COL22A1: variants seen among roughly 807,000 people sequenced by gnomAD.
COL22A1 encodes collagen type XXII alpha 1 chain.
In COL22A1, 221 loss-of-function variants were observed where a neutral mutation model predicts 248.9. The ratio of observed to expected loss-of-function variants is 0.89; its 90% CI spans 0.80 to 0.99. The LOEUF (loss-of-function observed/expected upper bound fraction) is 0.99. COL22A1 is among the 50% of genes least tolerant of loss of function. The pLI, the probability that COL22A1 is intolerant of heterozygous loss-of-function variation, is 0.00. For missense variants in COL22A1, 2,240 were observed against 2,179.0 expected, an observed-to-expected ratio of 1.03 and a Z score of -0.56; for synonymous variants, 891 against 793.4, an observed-to-expected ratio of 1.12 and a Z score of -2.07.
intron 22 of COL22A1, among the ~76,000 whole-genome samples, chr8:138,739,480 A>G (rs1831388780): frequency 6.6e-6 from 1 of 152,016 alleles, no homozygotes; most frequent in African/African-American, 2.4e-5. Context: ...GTGTCTTCTC[A>G]CGCTGCCGTA....
intron 4 of COL22A1, among the ~76,000 whole-genome samples, chr8:138,838,415 G>A (rs1035160624): frequency 6.6e-6 from 1 of 152,056 alleles, no homozygotes; most frequent in African/African-American, 2.4e-5. Flanking sequence ...GAAAAGTCAG[G>A]GCCGGGAACT....
chr8:138,779,470 T>C (rs1336235498), intron 14 of COL22A1, 39 bp downstream of exon 14: 1 of 1,515,592 alleles, frequency 6.6e-7, no homozygotes, highest in South Asian at 1.1e-5. Flanking sequence ...CCTTGTCCCC[T>C]GGGAGCATCA....
chr8:138,803,317 T>C (rs80196678), intron 10 of COL22A1, among the ~76,000 whole-genome samples: 3,880 of 152,236 alleles, frequency 0.025, 178 homozygotes, highest in African/African-American at 0.087. Context: ...CAGGCTTCTC[T>C]TCCATAAACA....
chr8:138,881,640 A>G (rs1052314586), intron 2 of COL22A1, among the ~76,000 whole-genome samples: 2 of 152,214 alleles, frequency 1.3e-5, no homozygotes, highest in South Asian at 2.1e-4. Flanking sequence ...AGCCGAGATC[A>G]CGCCGCTGCA....
chr8:138,716,293 T>C lies in COL22A1; in HGVS notation c.2401-4A>G. The C allele has an allele frequency of 6.3e-7, 1 of 1,581,830 alleles. No homozygotes were observed. The highest frequency in any genetic ancestry group is 8.6e-7 in the Non-Finnish European group (1 of 1,161,658). ...CCCCTGGGAGGCCTGCTTCTCCCTGTGAGAACAAAATATTCACAAGGCGTC... is the reference window on the plus strand; with the variant it reads ...CCCCTGGGAGGCCTGCTTCTCCCTGCGAGAACAAAATATTCACAAGGCGTC... On this transcript the variant is annotated splice_polypyrimidine_tract_variant and splice_region_variant and intron_variant, in intron 28 of 64. Transcript: ENST00000303045.
At chr8:138,830,646 C>A (rs182353012) in intron 5 of COL22A1, among the ~76,000 whole-genome samples, 1 of 152,204 alleles carries the variant, frequency 6.6e-6, no homozygotes, top group African/African-American at 2.4e-5. Context: ...TGAATTCGGC[C>A]GCTTTGCTCT....
In COL22A1 at chr8:138,598,770, T is replaced by C. The variant is rs1348248516; in HGVS notation, c.4314A>G (p.Gly1438=). 6.2e-7 allele frequency: 1 copy of C among 1,614,038 alleles called. No homozygotes were observed. The highest frequency in any genetic ancestry group is 1.7e-5 in the Admixed American group (1 of 60,008). ...CTGGAGGCCCTGGGGGTCCAACTGG[T>C]CCATTCTCCCCAGGTAGTCCTTGGG... ...MGPQGLPGEN[G]PVGPPGPPGQ... is the part of the protein sequence containing the mutation. The change falls in exon 61 of 65, where the codon GGA becomes GGG. Residue 1438 remains glycine (G), a synonymous_variant. Transcript: ENST00000303045.
At chr8:138,649,858 C>T in intron 45 of COL22A1, 80 bp from the exon 46 acceptor site, 5 of 821,322 alleles carry the variant, frequency 6.1e-6, no homozygotes, top group Non-Finnish European at 9.4e-6. Flanking sequence ...GTAGCCCTGG[C>T]TGCTATCTCT....
intron 57 of COL22A1, among the ~76,000 whole-genome samples, chr8:138,607,434 T>C (rs1818508485): frequency 6.6e-6 from 1 of 152,158 alleles, no homozygotes; most frequent in African/African-American, 2.4e-5. Flanking sequence ...CTGTATTTGA[T>C]ATCTAGCTGA....
chr8:138,589,545 C>T (rs60639203), intron 64 of COL22A1, 105 bp from the exon 65 acceptor site: 135,561 of 907,130 alleles, frequency 0.15, 13,817 homozygotes, highest in African/African-American at 0.47. Flanking sequence ...GGACCTGAAA[C>T]GTCCTCAGAC....
In COL22A1 at chr8:138,591,414, T is replaced by C. The variant is rs1804642055; in HGVS notation, c.4693+10A>G. 4 of 1,570,926 alleles carry C rather than the reference T, an allele frequency of 2.5e-6. No individual in the cohort carries two copies. The highest frequency in any genetic ancestry group is 3.5e-6 in the Non-Finnish European group (4 of 1,158,188). ...ACACCCTACCCCTGAGACTGCAGAA[T>C]GAGTCATACCTGGGATTCCAGGGGG... On this transcript the variant is annotated intron_variant, in intron 64 of 64. Transcript: ENST00000303045.
chr8:138,679,599 G>C lies in COL22A1; in HGVS notation c.3072+18C>G. ...TCCTTCTGTCTTTTTGCAAATGTTT[G>C]CATAGATCTTCACTGACCTTAACAC... On this transcript the variant is annotated intron_variant, in intron 40 of 64. Coordinates refer to ENST00000303045, the MANE Select transcript of COL22A1 (RefSeq NM_152888.3). 1 of 1,611,006 alleles carries C rather than the reference G, an allele frequency of 6.2e-7. No individual in the cohort carries two copies. The highest frequency in any genetic ancestry group is 8.5e-7 in the Non-Finnish European group (1 of 1,177,336).
intron 4 of COL22A1, among the ~76,000 whole-genome samples, chr8:138,841,763 G>C (rs1354087554): frequency 6.6e-6 from 1 of 152,152 alleles, no homozygotes; most frequent in African/African-American, 2.4e-5. Flanking sequence ...AGACAACAGT[G>C]GTCTGGATGG....
chr8:138,596,307 C>T (rs1300239173), intron 62 of COL22A1, among the ~76,000 whole-genome samples: 11 of 152,224 alleles, frequency 7.2e-5, no homozygotes, highest in Admixed American at 5.9e-4. Flanking sequence ...ACTAGGCCTG[C>T]CTGCCCTGCT....
chr8:138,707,500 G>A (rs1027752729), intron 30 of COL22A1, among the ~76,000 whole-genome samples: 6 of 152,148 alleles, frequency 3.9e-5, no homozygotes, highest in African/African-American at 1.4e-4. Flanking sequence ...ATCAATAAAT[G>A]TAATCCATCA....
rs150797337 is a variant in COL22A1, at chr8:138,618,380, T to C, written c.3825+1075A>G. Among the ~76,000 whole-genome samples, 597 of 152,310 alleles carry C rather than the reference T, an allele frequency of 3.9e-3. 4 individuals carry two copies. The highest frequency in any genetic ancestry group is 0.034 in the Middle Eastern group (10 of 294). On this transcript the variant is annotated intron_variant, in intron 53 of 64. Transcript: ENST00000303045. The stretch of plus-strand genomic sequence containing the variant: ...GCCTGGCTTTCTAACCTCAGCTCTT[T>C]CATTACAACTCCCAGTTGACAGATG...
intron 3 of COL22A1, among the ~76,000 whole-genome samples, chr8:138,852,767 G>A (rs1181988077): frequency 6.6e-6 from 1 of 152,124 alleles, no homozygotes; most frequent in Non-Finnish European, 1.5e-5. Context: ...GAACCAGGGA[G>A]AGGGAGGTCC....
At chr8:138,763,582 G>A (rs1222327187) in intron 16 of COL22A1, among the ~76,000 whole-genome samples, 1 of 152,028 alleles carries the variant, frequency 6.6e-6, no homozygotes, top group African/African-American at 2.4e-5. Context: ...CCTTCTTCCA[G>A]GTGGGCTGCA....
At chr8:138,651,727 G>A (rs1822755811) in intron 45 of COL22A1, among the ~76,000 whole-genome samples, 2 of 151,268 alleles carry the variant, frequency 1.3e-5, no homozygotes, top group Admixed American at 1.3e-4. Context: ...ATGGATGCAC[G>A]GATGGATGGA....
Sources: allele counts gnomAD v4.1 joint callset (sites outside exome capture counted in the v4.1 genomes callset), GRCh38; gene constraint gnomAD v4.1.1; transcripts MANE v1.5; gene names NCBI Gene and HGNC (gene_info 2026-07-23, HGNC 2026-07-21).